ERBB4: variants seen among roughly 807,000 people sequenced by gnomAD.
ERBB4 encodes the protein erb-b2 receptor tyrosine kinase 4.
ERBB4 carries 42 observed loss-of-function variants against 158.0 expected under a neutral mutation model. That is an observed-to-expected ratio of 0.27 (90% CI 0.21 to 0.34). The LOEUF (loss-of-function observed/expected upper bound fraction) is 0.34. Among genes scored for constraint, ERBB4 ranks in the 10% least tolerant of loss-of-function variants. ERBB4 has a pLI of 1.00. For synonymous variants in ERBB4, 583 were observed against 558.7 expected (o/e 1.04, Z -0.61); for missense variants, 1,333 against 1,624.1 (o/e 0.82, Z 3.08).
intron 20 of ERBB4, among the ~76,000 whole-genome samples, chr2:211,524,540 G>A (rs561934801): frequency 1.3e-5 from 2 of 152,238 alleles, no homozygotes; most frequent in East Asian, 1.9e-4. Context: ...GGCAGCTAAG[G>A]CCCAGTGAGA....
chr2:212,138,882 G>GT (rs2080356433), intron 1 of ERBB4, among the ~76,000 whole-genome samples: 1 of 152,006 alleles, frequency 6.6e-6, no homozygotes, highest in Non-Finnish European at 1.5e-5. Flanking sequence ...CATGGGTATT[G>GT]TTTTTAGTCT....
intron 1 of ERBB4, among the ~76,000 whole-genome samples, chr2:212,453,762 T>G (rs1166167577): frequency 6.6e-6 from 1 of 152,142 alleles, no homozygotes; most frequent in Non-Finnish European, 1.5e-5. Context: ...AATCATGAAA[T>G]GAGAATGTAG....
At chr2:211,390,689 G>C (rs988472279) in intron 25 of ERBB4, among the ~76,000 whole-genome samples, 2 of 152,148 alleles carry the variant, frequency 1.3e-5, no homozygotes, top group African/African-American at 4.8e-5. Context: ...CATAAAGCGA[G>C]GCCATGCCCT....
intron 3 of ERBB4, among the ~76,000 whole-genome samples, chr2:211,817,917 A>G (rs2076913065): frequency 6.6e-6 from 1 of 152,198 alleles, no homozygotes; most frequent in Admixed American, 6.5e-5. Flanking sequence ...CGAATCCTCT[A>G]TATACGTTCT....
At chr2:211,448,442 A>G (rs1202055102) in intron 20 of ERBB4, among the ~76,000 whole-genome samples, 1 of 147,658 alleles carries the variant, frequency 6.8e-6, no homozygotes, top group Non-Finnish European at 1.5e-5. Flanking sequence ...GGAAAATTGT[A>G]TGTATATACA....
chr2:212,439,439 A>C (rs2092206956), intron 1 of ERBB4, among the ~76,000 whole-genome samples: 1 of 152,106 alleles, frequency 6.6e-6, no homozygotes, highest in Non-Finnish European at 1.5e-5. Context: ...CAAACTTACT[A>C]TCTAGAAGAC....
intron 20 of ERBB4, among the ~76,000 whole-genome samples, chr2:211,559,228 G>A (rs777714764): frequency 6.6e-6 from 1 of 151,916 alleles, no homozygotes; most frequent in Non-Finnish European, 1.5e-5. Context: ...CTCCTTATTG[G>A]CATTGCCTCC....
intron 4 of ERBB4, among the ~76,000 whole-genome samples, chr2:211,764,808 A>G (rs1041765114): frequency 2.0e-5 from 3 of 152,220 alleles, no homozygotes; most frequent in Non-Finnish European, 2.9e-5. Context: ...TGTCACAACA[A>G]GGTCTGATTT....
chr2:212,446,745 C>T (rs1489007528), intron 1 of ERBB4, among the ~76,000 whole-genome samples: 1 of 148,450 alleles, frequency 6.7e-6, no homozygotes, highest in Non-Finnish European at 1.5e-5. Context: ...CATATTTAGG[C>T]TCCATGTGCT....
chr2:212,406,491 C>T (rs1393529945), intron 1 of ERBB4, among the ~76,000 whole-genome samples: 1 of 152,138 alleles, frequency 6.6e-6, no homozygotes, highest in Non-Finnish European at 1.5e-5. Flanking sequence ...AAAATTACTA[C>T]TACTTATGTG....
intron 3 of ERBB4, among the ~76,000 whole-genome samples, chr2:211,861,072 ATT>A (rs1407977199): frequency 6.3e-5 from 3 of 47,978 alleles, no homozygotes; most frequent in African/African-American, 9.0e-5. Context: ...AATATAATAT[ATT>A]TATATATTAT....
At chr2:212,308,399 A>T (rs934394462) in intron 1 of ERBB4, among the ~76,000 whole-genome samples, 1 of 151,022 alleles carries the variant, frequency 6.6e-6, no homozygotes, top group Non-Finnish European at 1.5e-5. Context: ...GAGTCTGAGG[A>T]AACAATTTTG....
intron 16 of ERBB4, among the ~76,000 whole-genome samples, chr2:211,649,847 C>T (rs1304764374): frequency 6.6e-6 from 1 of 151,786 alleles, no homozygotes; most frequent in African/African-American, 2.4e-5. Context: ...GAAATTACAC[C>T]TCTTTGGGTT....
chr2:211,802,042 G>A (rs988962618), intron 3 of ERBB4, among the ~76,000 whole-genome samples: 1 of 152,026 alleles, frequency 6.6e-6, no homozygotes, highest in East Asian at 1.9e-4. Context: ...GGCGGATCAC[G>A]AGGTCAGGAG....
chr2:212,039,200 G>A (rs919266894), intron 2 of ERBB4, among the ~76,000 whole-genome samples: 1 of 152,142 alleles, frequency 6.6e-6, no homozygotes, highest in Non-Finnish European at 1.5e-5. Flanking sequence ...GCAGAGGAAA[G>A]AGAAGAGAAT....
chr2:211,922,228 T>C (rs1432875768), intron 3 of ERBB4, among the ~76,000 whole-genome samples: 1 of 151,998 alleles, frequency 6.6e-6, no homozygotes, highest in African/African-American at 2.4e-5. Context: ...CAAATGCAAA[T>C]GGAGAACTGA....
chr2:211,903,227 T>C (rs1242612361), intron 3 of ERBB4, among the ~76,000 whole-genome samples: 5 of 152,092 alleles, frequency 3.3e-5, no homozygotes, highest in African/African-American at 1.2e-4. Flanking sequence ...AATTAACCAA[T>C]ATGTGATGAA....
intron 2 of ERBB4, among the ~76,000 whole-genome samples, chr2:212,097,542 T>C (rs2078966459): frequency 6.6e-6 from 1 of 152,024 alleles, no homozygotes. Flanking sequence ...AAGAGATAGA[T>C]TTGGGCAGGG....
intron 1 of ERBB4, among the ~76,000 whole-genome samples, chr2:212,537,813 C>A (rs1180094916): frequency 2.7e-5 from 4 of 150,564 alleles, no homozygotes; most frequent in Non-Finnish European, 4.4e-5. Context: ...GGGGAGAGGG[C>A]TCCGGGAAGC....
Sources: allele counts gnomAD v4.1 joint callset (sites outside exome capture counted in the v4.1 genomes callset), GRCh38; gene constraint gnomAD v4.1.1; transcripts MANE v1.5; gene names NCBI Gene and HGNC (gene_info 2026-07-23, HGNC 2026-07-21).